Variants in SLAIN1 observed in about 807,000 individuals in gnomAD.
SLAIN1 encodes the protein SLAIN family member 1.
A neutral mutation model predicts 55.4 loss-of-function variants in SLAIN1; 17 were observed. The observed-to-expected ratio is 0.31, with a 90% confidence interval of 0.21 to 0.46. The LOEUF is 0.46. Among genes scored for constraint, SLAIN1 ranks in the 20% least tolerant of loss-of-function variants. The probability of loss-of-function intolerance (pLI) is 1.00; values close to 1 mark genes in which losing one functional copy is unlikely to be tolerated. For synonymous variants in SLAIN1, 348 were observed against 337.4 expected, an observed-to-expected ratio of 1.03 and a Z score of -0.35; for missense variants, 682 against 785.1, an observed-to-expected ratio of 0.87 and a Z score of 1.57.
At chr13:77,751,586 G>C (rs1358068495) in intron 4 of SLAIN1, among the ~76,000 whole-genome samples, 1 of 152,162 alleles carries the variant, frequency 6.6e-6, no homozygotes, top group Non-Finnish European at 1.5e-5. Flanking sequence ...GTGAGGTTGG[G>C]TGTCCACATG....
In SLAIN1 at chr13:77,763,438, A is replaced by G. The variant is rs1566254211; in HGVS notation, c.*218A>G. The G allele has an allele frequency of 1.8e-6, 1 of 541,766 alleles. No individual in the cohort carries two copies. The allele number at this position is 541,766 out of a possible 1,614,324, so 33.6% of individuals were successfully genotyped here. A position where few individuals can be genotyped will look rare whatever the true frequency, so the allele number is the denominator to read the frequency against. ...ACATTCTCAAACCCATGGTTGCAGT[A>G]TTGTGACACTTAGATCTAGGAAGTT... On this transcript the variant is annotated 3_prime_UTR_variant, in exon 7 of 7. Coordinates refer to ENST00000418532, the MANE Select transcript of SLAIN1 (RefSeq NM_001242868.2).
chr13:77,757,421 T>C (rs1361625235), intron 5 of SLAIN1, among the ~76,000 whole-genome samples: 5 of 152,080 alleles, frequency 3.3e-5, no homozygotes, highest in African/African-American at 9.7e-5. Flanking sequence ...TATACACATG[T>C]ATCAACATTT....
At chr13:77,760,514 C>T (rs1299014860) in intron 5 of SLAIN1, among the ~76,000 whole-genome samples, 1 of 152,118 alleles carries the variant, frequency 6.6e-6, no homozygotes, top group East Asian at 1.9e-4. Flanking sequence ...TAATGTCTAG[C>T]AAGCAAACGG....
intron 2 of SLAIN1, among the ~76,000 whole-genome samples, chr13:77,721,983 C>CAT (rs953055772): frequency 6.4e-5 from 9 of 141,624 alleles, no homozygotes; most frequent in African/African-American, 2.5e-4. Context: ...GATACATTTA[C>CAT]ATATAAGGTT....
intron 2 of SLAIN1, among the ~76,000 whole-genome samples, chr13:77,737,595 A>G (rs956974056): frequency 1.3e-5 from 2 of 152,006 alleles, no homozygotes; most frequent in South Asian, 2.1e-4. Context: ...CTGATTGTAC[A>G]CTGCTCTTTC....
chr13:77,697,842 C>T lies in SLAIN1; in HGVS notation c.-72C>T, dbSNP rs1199372337. ...CGGGGCGACAGGGAAGGAGCCGTAG[C>T]CTCCCCGTGGCCCGAGGAGCCGGCG... is the stretch of plus-strand genomic sequence containing the variant. On this transcript the variant is annotated 5_prime_UTR_variant, in exon 1 of 7. Transcript: ENST00000418532. 5.7e-6 allele frequency: 7 copies of T among 1,233,196 alleles called. No homozygotes were observed. The highest frequency in any genetic ancestry group is 1.0e-6 in the Non-Finnish European group (1 of 988,170). 76.4% of individuals were successfully genotyped at this position (1,233,196 alleles called of 1,614,324 possible).
rs2091001242 is a variant in SLAIN1, at chr13:77,698,838, T to TTAG, written c.626+300_626+302dup. The TTAG allele has an allele frequency of 4.7e-6, 7 of 1,482,886 alleles. No homozygotes were observed. The highest frequency in any genetic ancestry group is 6.3e-6 in the Non-Finnish European group (7 of 1,114,404). The allele number at this position is 1,482,886 out of a possible 1,614,324, so 91.9% of individuals were successfully genotyped here. ...TGATTGTTGGGTCCCAAGCTCCTCG[T>TTAG]TAGCATTAAGTGCAAAATCCATGTC... On this transcript the variant is annotated intron_variant, in intron 1 of 6. Transcript: ENST00000418532. The surrounding 1 kb of genome is among the most constrained non-coding windows in gnomAD (Gnocchi z 4.1).
intron 4 of SLAIN1, among the ~76,000 whole-genome samples, chr13:77,752,242 G>A (rs1874269307): frequency 6.7e-6 from 1 of 149,436 alleles, no homozygotes; most frequent in South Asian, 2.1e-4. Context: ...ATTTTGATAT[G>A]GTAGCAAAAG....
chr13:77,740,534 C>CG (rs1566237717), intron 2 of SLAIN1, among the ~76,000 whole-genome samples: 3 of 150,474 alleles, frequency 2.0e-5, no homozygotes, highest in Admixed American at 2.0e-4. Context: ...AACCGCCCCC[C>CG]CCCCCTTTTT....
chr13:77,745,043 CAG>C (rs1440324064), intron 3 of SLAIN1, among the ~76,000 whole-genome samples: 1 of 151,960 alleles, frequency 6.6e-6, no homozygotes, highest in Non-Finnish European at 1.5e-5. Flanking sequence ...ATGTTAGGAA[CAG>C]AGGACAGACT....
intron 1 of SLAIN1, among the ~76,000 whole-genome samples, chr13:77,713,777 C>T (rs2091177144): frequency 1.3e-5 from 2 of 152,196 alleles, no homozygotes; most frequent in African/African-American, 4.8e-5. Flanking sequence ...AACCCAAATG[C>T]CCATCAATAG....
intron 1 of SLAIN1, among the ~76,000 whole-genome samples, chr13:77,705,666 C>G (rs1039873450): frequency 6.7e-6 from 1 of 149,552 alleles, no homozygotes; most frequent in African/African-American, 2.5e-5. Flanking sequence ...TTTTAAAAAC[C>G]TTGCCTATCT....
intron 2 of SLAIN1, among the ~76,000 whole-genome samples, chr13:77,721,229 T>A (rs1250708844): frequency 6.6e-6 from 1 of 152,150 alleles, no homozygotes; most frequent in Non-Finnish European, 1.5e-5. Flanking sequence ...TCTTTCACTT[T>A]CTCTCTCTCC....
At chr13:77,734,391 A>T (rs1241126865) in intron 2 of SLAIN1, among the ~76,000 whole-genome samples, 1 of 152,192 alleles carries the variant, frequency 6.6e-6, no homozygotes, top group Non-Finnish European at 1.5e-5. Flanking sequence ...CCTGTTGTAT[A>T]AAGAAAGAAA....
intron 1 of SLAIN1, among the ~76,000 whole-genome samples, chr13:77,702,570 A>G (rs1331068488): frequency 6.6e-6 from 1 of 152,130 alleles, no homozygotes; most frequent in East Asian, 1.9e-4. Flanking sequence ...AGACCTTCCT[A>G]TGACCTGTTT....
intron 1 of SLAIN1, among the ~76,000 whole-genome samples, chr13:77,706,664 C>T (rs996855459): frequency 6.1e-5 from 8 of 130,904 alleles, no homozygotes; most frequent in South Asian, 4.5e-4. Context: ...AAATCCTTTT[C>T]GTTTGTATTT....
intron 2 of SLAIN1, among the ~76,000 whole-genome samples, chr13:77,730,621 T>C (rs1872810802): frequency 1.3e-5 from 2 of 152,210 alleles, no homozygotes; most frequent in African/African-American, 4.8e-5. Flanking sequence ...ATAAGTTTAA[T>C]ATATTTGAGT....
rs1411703052 is a variant in SLAIN1, at chr13:77,698,523, G to A, written c.610G>A (p.Glu204Lys). Reference protein sequence around the residue: ...DLESVAAWRDEDDYTWLYIGS... With the variant: ...DLESVAAWRDKDDYTWLYIGS... ...GGAGAGCGTAGCCGCCTGGCGGGAC[G>A]AGGACGACTACACCTGGTACTGCCT... Residue 204 changes from glutamate (E) to lysine (K), a missense_variant, in exon 1 of 7, where the codon GAG (glutamate) becomes AAG (lysine). Transcript: ENST00000418532. This position sits in a 1 kb window ranked among gnomAD's most constrained non-coding sequence, Gnocchi z 4.1. The A allele has an allele frequency of 1.4e-6, 2 of 1,444,166 alleles. No individual in the cohort carries two copies. The highest frequency in any genetic ancestry group is 1.8e-6 in the Non-Finnish European group (2 of 1,106,138). 89.5% of individuals were successfully genotyped at this position (1,444,166 alleles called of 1,614,324 possible). A position where few individuals can be genotyped will look rare whatever the true frequency, so the allele number is the denominator to read the frequency against.
At chr13:77,699,152 A>C (rs146361784) in intron 1 of SLAIN1, 1 of 1,248,822 alleles carries the variant, frequency 8.0e-7, no homozygotes, top group East Asian at 2.6e-5. Context: ...GCTTTTTAAA[A>C]TGGGGTGACC....
Sources: gnomAD v4.1 joint callset for allele counts (sites outside exome capture counted in the v4.1 genomes callset) on GRCh38, gnomAD v4.1.1 for gene constraint, Gnocchi (gnomAD v3.1) non-coding constraint, MANE v1.5 for transcripts, NCBI Gene and HGNC (gene_info 2026-07-23, HGNC 2026-07-21) for gene names.